The following PGLYRP1 variants were observed in gnomAD, a reference collection of about 807,000 sequenced individuals.
PGLYRP1 encodes peptidoglycan recognition protein 1.
PGLYRP1 carries 18 observed loss-of-function variants against 16.3 expected under a neutral mutation model. The observed-to-expected ratio is 1.11, with a 90% CI of 0.77 to 1.64. The LOEUF (loss-of-function observed/expected upper bound fraction) is 1.64. Ranked by LOEUF, PGLYRP1 falls within the 40% of genes most tolerant of loss-of-function variation. PGLYRP1 has a pLI of 0.00. For synonymous variants in PGLYRP1, 89 were observed against 105.7 expected, an observed-to-expected ratio of 0.84 and a Z score of 0.97; for missense variants, 261 against 268.6, an observed-to-expected ratio of 0.97 and a Z score of 0.20.
In PGLYRP1 at chr19:46,022,769, T is replaced by C; in HGVS notation, c.253A>G (p.Met85Val). Residue 85 changes from methionine to valine, a missense_variant, in exon 1 of 3, where the codon ATG becomes GTG. Transcript: ENST00000008938. ...QQARNVQHYH[M>V]KTLGWCDVGY... ...ACGTCGCACCAGCCCAGTGTCTTCA[T>C]GTGGTAGTGCTGCACATTCCGGGCC... 6.2e-7 allele frequency: 1 copy of C among 1,614,194 alleles called. No homozygotes were observed. The highest frequency in any genetic ancestry group is 1.1e-5 in the South Asian group (1 of 91,078).
rs755262421 is a variant in PGLYRP1, at chr19:46,019,392, C to T, written c.437G>A (p.Arg146Gln). ...GCAGGCCAGTAGACCCTGGGCTGCC[C>T]GGATGGCCTGGGGTGTGGGCACCCG... ...MDRVPTPQAI[R>Q]AAQGLLACGV... The change falls in exon 3 of 3, where the codon CGG becomes CAG. Residue 146 changes from arginine to glutamine, a missense_variant. Physicochemically the swap from Arg to Gln is conservative, Grantham distance 43. Transcript: ENST00000008938. This position sits in a 1 kb window ranked among gnomAD's most constrained non-coding sequence, Gnocchi z 4.8. The T allele has an allele frequency of 2.5e-5, 40 of 1,613,382 alleles. No individual in the cohort carries two copies. Among genetic ancestry groups the T allele is most frequent in the Admixed American group, 3.3e-5 (2 of 59,970 alleles).
chr19:46,020,129 A>G (rs1969028878), intron 1 of PGLYRP1, among the ~76,000 whole-genome samples: 1 of 138,656 alleles, frequency 7.2e-6, no homozygotes, highest in Non-Finnish European at 1.5e-5. Context: ...TTTTTTTAAG[A>G]CGGGGTTTCA....
At position 46,022,915 on chromosome 19, in the gene PGLYRP1, C is replaced by T. The variant is rs746435868; in HGVS notation, c.107G>A (p.Arg36Gln). 1.2e-6 allele frequency: 2 copies of T among 1,612,106 alleles called. No homozygotes were observed. The highest frequency in any genetic ancestry group is 1.3e-5 in the African/African-American group (1 of 75,032). The stretch of plus-strand genomic sequence containing the variant: ...TGATGCCAGGGCCTTCCACTCGTTC[C>T]GGGGCACTATGGGGCTGCAGCAGGC... Reference protein sequence around the residue: ...DPACCSPIVPRNEWKALASEC... With the variant: ...DPACCSPIVPQNEWKALASEC... Residue 36 changes from arginine (R) to glutamine (Q), a missense_variant, in exon 1 of 3, where the codon CGG becomes CAG. Transcript: ENST00000008938.
Position 46,022,736 on chromosome 19 carries a change from T to C in PGLYRP1, c.286A>G (p.Asn96Asp), listed in dbSNP as rs769092252. The change falls in exon 1 of 3, where the codon AAC becomes GAC. Residue 96 changes from asparagine (N) to aspartate (D), a missense_variant and splice_region_variant. By Grantham distance (23) the Asn-to-Asp change is conservative. Transcript: ENST00000008938. ...KTLGWCDVGYNFLIGEDGLVY... is the reference protein window; with the variant it reads ...KTLGWCDVGYDFLIGEDGLVY... ...CCCGTGCCCCCCTGCCACACTCACT[T>C]GTAGCCCACGTCGCACCAGCCCAGT... is the stretch of plus-strand genomic sequence containing the variant. 2 of 1,614,000 alleles carry C rather than the reference T, an allele frequency of 1.2e-6. No homozygotes were observed. The highest frequency in any genetic ancestry group is 8.5e-7 in the Non-Finnish European group (1 of 1,179,990).
intron 1 of PGLYRP1, among the ~76,000 whole-genome samples, chr19:46,020,442 C>CAG (rs918720238): frequency 2.0e-5 from 3 of 152,122 alleles, no homozygotes; most frequent in African/African-American, 7.2e-5. Context: ...TCATCTTAAG[C>CAG]AGAGAGAGCA....
At chr19:46,021,632 A>T (rs982640442) in intron 1 of PGLYRP1, among the ~76,000 whole-genome samples, 2 of 152,050 alleles carry the variant, frequency 1.3e-5, no homozygotes, top group African/African-American at 2.4e-5. Context: ...TTCAGCCGGC[A>T]CCCCTTACAG....
intron 1 of PGLYRP1, among the ~76,000 whole-genome samples, chr19:46,020,547 G>A (rs961633610): frequency 7.2e-5 from 11 of 152,116 alleles, no homozygotes; most frequent in South Asian, 2.1e-4. Context: ...TGCCCTCGGG[G>A]TCCACTGGGG....
chr19:46,021,447 T>G (rs1418198206), intron 1 of PGLYRP1: 1 of 152,274 alleles, frequency 6.6e-6, no homozygotes, highest in Non-Finnish European at 1.5e-5. Flanking sequence ...TGAAGTGGTC[T>G]CTGGGGACCT....
rs1196130761 is a variant in PGLYRP1 at position 46,019,537 on chromosome 19, C to T, written c.398G>A (p.Gly133Asp). 1 of 1,613,886 alleles carries T rather than the reference C, an allele frequency of 6.2e-7. No individual in the cohort carries two copies. The highest frequency in any genetic ancestry group is 8.5e-7 in the Non-Finnish European group (1 of 1,179,940). The change falls in exon 2 of 3, where the codon GGC becomes GAC. Residue 133 changes from glycine to aspartate, a missense_variant. Transcript: ENST00000008938. The surrounding 1 kb of genome is among the most constrained non-coding windows in gnomAD (Gnocchi z 4.8). ...GGACAGTCACTCACCCATGTAGTTG[C>T]CCATGAAGCTGATGCCAATGGACAT... is the stretch of plus-strand genomic sequence containing the variant. ...NPMSIGISFM[G>D]NYMDRVPTPQ...
At position 46,019,312 on chromosome 19, in the gene PGLYRP1, C is replaced by T; in HGVS notation, c.517G>A (p.Val173Met). Residue 173 changes from valine to methionine, a missense_variant, in exon 3 of 3, where the codon GTG becomes ATG. Coordinates refer to ENST00000008938, the MANE Select transcript of PGLYRP1 (RefSeq NM_005091.3). The surrounding 1 kb of genome is among the most constrained non-coding windows in gnomAD (Gnocchi z 4.8). ...TTGCCTGGAGAGAGTGTACGCTGCA[C>T]ATCCCGGTGTCCTTTGAGCACATAG... ...SNYVLKGHRD[V>M]QRTLSPGNQL... The T allele has an allele frequency of 6.2e-7, 1 of 1,613,924 alleles. No homozygotes were observed. Among genetic ancestry groups the T allele is most frequent in the Non-Finnish European group, 8.5e-7 (1 of 1,179,940 alleles).
Position 46,019,226 on chromosome 19 carries a change from A to G in PGLYRP1, c.*12T>C. The G allele has an allele frequency of 6.2e-7, 1 of 1,612,960 alleles. No individual in the cohort carries two copies. The highest frequency in any genetic ancestry group is 8.5e-7 in the Non-Finnish European group (1 of 1,179,236). ...ATGGGAGGGGAGGAATGGGGTGCGG[A>G]TCAGCAGGGCCTCAGGGGGAGCGGT... On this transcript the variant is annotated 3_prime_UTR_variant, in exon 3 of 3. Coordinates refer to ENST00000008938, the MANE Select transcript of PGLYRP1 (RefSeq NM_005091.3). This position sits in a 1 kb window ranked among gnomAD's most constrained non-coding sequence, Gnocchi z 4.8.
In PGLYRP1 at chr19:46,019,583, A is replaced by G; in HGVS notation, c.352T>C (p.Ser118Pro). ...GACATGGGGTTCCATAAGTGACCTG[A>G]GTGGGCACCCGTGAAGTTCCAGCCA... ...GRGWNFTGAHSGHLWNPMSIG... is the reference protein window; with the variant it reads ...GRGWNFTGAHPGHLWNPMSIG... Residue 118 changes from serine to proline, a missense_variant, in exon 2 of 3, where the codon TCA becomes CCA. Physicochemically the swap from Ser to Pro is moderately conservative, Grantham distance 74. Coordinates refer to ENST00000008938, the MANE Select transcript of PGLYRP1 (RefSeq NM_005091.3). This position sits in a 1 kb window ranked among gnomAD's most constrained non-coding sequence, Gnocchi z 4.8. The G allele has an allele frequency of 6.2e-7, 1 of 1,613,908 alleles. No individual in the cohort carries two copies. The highest frequency in any genetic ancestry group is 8.5e-7 in the Non-Finnish European group (1 of 1,179,918).
chr19:46,022,294 G>A (rs1336004307), intron 1 of PGLYRP1, among the ~76,000 whole-genome samples: 1 of 152,234 alleles, frequency 6.6e-6, no homozygotes, highest in East Asian at 1.9e-4. Context: ...CTTTGCCGAG[G>A]AGGAAGCTGA....
In PGLYRP1 at chr19:46,023,039, G is replaced by C; in HGVS notation, c.-18C>G. 1 of 1,508,982 alleles carries C rather than the reference G, an allele frequency of 6.6e-7. No homozygotes were observed. The highest frequency in any genetic ancestry group is 8.9e-7 in the Non-Finnish European group (1 of 1,129,742). 93.5% of individuals were successfully genotyped at this position (1,508,982 alleles called of 1,614,324 possible). A position where few individuals can be genotyped will look rare whatever the true frequency, so the allele number is the denominator to read the frequency against. On this transcript the variant is annotated 5_prime_UTR_variant, in exon 1 of 3. Transcript: ENST00000008938. ...CGGGACATAGTGGCAGGGCGGCAGGGTCCGGGAGACCGCTAGGAGCGCCCG... is the reference window on the plus strand; with the variant it reads ...CGGGACATAGTGGCAGGGCGGCAGGCTCCGGGAGACCGCTAGGAGCGCCCG...
intron 1 of PGLYRP1, among the ~76,000 whole-genome samples, chr19:46,020,549 C>T (rs1600660195): frequency 6.6e-6 from 1 of 152,174 alleles, no homozygotes; most frequent in African/African-American, 2.4e-5. Context: ...CCCTCGGGGT[C>T]CACTGGGGGA....
chr19:46,021,510 A>C (rs1226961688), intron 1 of PGLYRP1, among the ~76,000 whole-genome samples: 4 of 152,130 alleles, frequency 2.6e-5, no homozygotes, highest in Non-Finnish European at 4.4e-5. Flanking sequence ...CCTGGGTCTG[A>C]GAGCCTGCAG....
chr19:46,019,664 G>A lies in PGLYRP1; in HGVS notation c.288-17C>T. On this transcript the variant is annotated splice_polypyrimidine_tract_variant and intron_variant, in intron 1 of 2. Coordinates refer to ENST00000008938, the MANE Select transcript of PGLYRP1 (RefSeq NM_005091.3). The surrounding 1 kb of genome is among the most constrained non-coding windows in gnomAD (Gnocchi z 4.8). ...ATCAGGAAGCTGCATGGGGAGGTGG[G>A]GGGGCTTGATGAGTGAGGGAGGGTT... The A allele has an allele frequency of 6.2e-7, 1 of 1,610,034 alleles. No individual in the cohort carries two copies. The highest frequency in any genetic ancestry group is 8.5e-7 in the Non-Finnish European group (1 of 1,179,124).
chr19:46,022,763 T>G lies in PGLYRP1; in HGVS notation c.259A>C (p.Thr87Pro). 2 of 1,614,204 alleles carry G rather than the reference T, an allele frequency of 1.2e-6. No homozygotes were observed. Among genetic ancestry groups the G allele is most frequent in the Non-Finnish European group, 1.7e-6 (2 of 1,180,032 alleles). The change falls in exon 1 of 3, where the codon ACA (threonine) becomes CCA (proline). Residue 87 changes from threonine to proline, a missense_variant. Thr to Pro is a conservative substitution (Grantham distance 38). Transcript: ENST00000008938. ...ARNVQHYHMKTLGWCDVGYNF... is the reference protein window; with the variant it reads ...ARNVQHYHMKPLGWCDVGYNF... The stretch of plus-strand genomic sequence containing the variant: ...TAGCCCACGTCGCACCAGCCCAGTG[T>G]CTTCATGTGGTAGTGCTGCACATTC...
chr19:46,022,717 C>T lies in PGLYRP1; in HGVS notation c.287+18G>A. ...TCTGGGATCCCCAGTCCAGCCCGTGCCCCCCTGCCACACTCACTTGTAGCC... is the reference window on the plus strand; with the variant it reads ...TCTGGGATCCCCAGTCCAGCCCGTGTCCCCCTGCCACACTCACTTGTAGCC... On this transcript the variant is annotated intron_variant, in intron 1 of 2. Transcript: ENST00000008938. The T allele has an allele frequency of 1.2e-6, 2 of 1,612,740 alleles. No homozygotes were observed. Among genetic ancestry groups the T allele is most frequent in the Non-Finnish European group, 1.7e-6 (2 of 1,179,172 alleles).
Sources: gnomAD v4.1 joint callset for allele counts (sites outside exome capture counted in the v4.1 genomes callset) on GRCh38, gnomAD v4.1.1 for gene constraint, Gnocchi (gnomAD v3.1) non-coding constraint, MANE v1.5 for transcripts, NCBI Gene and HGNC (gene_info 2026-07-23, HGNC 2026-07-21) for gene names.